Variants in KIZ observed in about 807,000 individuals in gnomAD.
KIZ encodes kizuna centrosomal protein, also known as centrosomal protein kizuna.
A neutral mutation model predicts 79.6 loss-of-function variants in KIZ; 68 were observed. That is an observed-to-expected ratio of 0.85 (90% CI 0.70 to 1.05). The LOEUF (loss-of-function observed/expected upper bound fraction) is 1.05, where lower values mean the gene tolerates loss of function less well. Ranked by LOEUF, KIZ falls within the 50% of genes least tolerant of loss-of-function variation. The pLI is 0.00. For synonymous variants in KIZ, 280 were observed against 281.8 expected (o/e 0.99, Z 0.06); for missense variants, 797 against 800.4 (o/e 1.00, Z 0.05).
chr20:21,228,647 T>C (rs1000900176), intron 9 of KIZ, among the ~76,000 whole-genome samples: 2 of 152,178 alleles, frequency 1.3e-5, no homozygotes, highest in Admixed American at 6.5e-5. Flanking sequence ...AGAGAGTTTC[T>C]AAGTGACCTG....
intron 9 of KIZ, among the ~76,000 whole-genome samples, chr20:21,227,289 T>C (rs1337078878): frequency 2.0e-5 from 3 of 152,138 alleles, no homozygotes; most frequent in Non-Finnish European, 2.9e-5. Flanking sequence ...AGGAGAGCCG[T>C]CTCACTGGAG....
At chr20:21,197,517 G>C (rs2035392729) in intron 6 of KIZ, 1 of 152,170 alleles carries the variant, frequency 6.6e-6, no homozygotes, top group African/African-American at 2.4e-5. Context: ...AGCCTTTTCT[G>C]CTGTTAAGAT....
At chr20:21,246,365 T>TA in intron 12 of KIZ, 114 bp from the exon 13 acceptor site, 1 of 692,268 alleles carries the variant, frequency 1.4e-6, no homozygotes. Context: ...GTGTCCCTGT[T>TA]ATGCATTTTG....
At chr20:21,206,482 A>G (rs1011028995) in intron 7 of KIZ, among the ~76,000 whole-genome samples, 2 of 152,094 alleles carry the variant, frequency 1.3e-5, no homozygotes, top group African/African-American at 2.4e-5. Flanking sequence ...GGGTGGGGGC[A>G]GAGGTGACAA....
At chr20:21,130,459 T>C (rs929980000) in intron 1 of KIZ, among the ~76,000 whole-genome samples, 10 of 152,176 alleles carry the variant, frequency 6.6e-5, no homozygotes, top group African/African-American at 1.9e-4. Context: ...AAGTACCCAA[T>C]TGATCATGAA....
Position 21,244,271 on chromosome 20 carries a change from TC to T in KIZ, c.1908del (p.Asn637IlefsTer2). ...SRHENKKKPV[I>X]NLKSNALWDE... is the part of the protein sequence containing the mutation. ...CATGAAAACAAAAAGAAACCCGTGA[TC>T]AATTTAAAATCTAATGGTGAGAGAG... On this transcript the variant is annotated frameshift_variant, in exon 12 of 13. Transcript: ENST00000619189. LOFTEE classifies it high-confidence loss of function. 6.2e-7 allele frequency: 1 copy of T among 1,602,762 alleles called. No homozygotes were observed. Among genetic ancestry groups the T allele is most frequent in the Non-Finnish European group, 8.5e-7 (1 of 1,170,132 alleles).
chr20:21,231,968 T>C (rs1349701864), intron 10 of KIZ, among the ~76,000 whole-genome samples: 2 of 152,228 alleles, frequency 1.3e-5, no homozygotes, highest in African/African-American at 2.4e-5. Context: ...TTTAAAATAA[T>C]CACTTTGCTG....
Position 21,126,147 on chromosome 20 carries a change from T to A in KIZ, c.32T>A (p.Leu11Gln). 1.3e-6 allele frequency: 2 copies of A among 1,513,784 alleles called. No individual in the cohort carries two copies. The highest frequency in any genetic ancestry group is 1.8e-6 in the Non-Finnish European group (2 of 1,130,108). 93.8% of individuals were successfully genotyped at this position (1,513,784 alleles called of 1,614,324 possible). ...CGGACCCTCGCATCGGCCGTGCCCC[T>A]GTCGAGTCCCGACTACTACGAGAGG... Reference protein sequence around the residue: MSRTLASAVPLSSPDYYERLG... With the variant: MSRTLASAVPQSSPDYYERLG... Residue 11 changes from leucine to glutamine, a missense_variant, in exon 1 of 13, where the codon CTG becomes CAG. Physicochemically the swap from Leu to Gln is moderately radical, Grantham distance 113. Transcript: ENST00000619189.
chr20:21,199,157 G>T (rs1181089502), intron 6 of KIZ, among the ~76,000 whole-genome samples: 1 of 152,018 alleles, frequency 6.6e-6, no homozygotes, highest in Non-Finnish European at 1.5e-5. Context: ...TGTGATTATG[G>T]GTGATAAGCC....
intron 7 of KIZ, among the ~76,000 whole-genome samples, chr20:21,209,612 C>A (rs1175558002): frequency 2.0e-5 from 3 of 152,260 alleles, no homozygotes; most frequent in African/African-American, 7.2e-5. Context: ...AAAATCCCTT[C>A]ATTCCCTTTA....
At chr20:21,191,932 TC>T (rs1259266374) in intron 6 of KIZ, among the ~76,000 whole-genome samples, 1 of 151,690 alleles carries the variant, frequency 6.6e-6, no homozygotes, top group African/African-American at 2.4e-5. Context: ...AGCCCGGAGC[TC>T]CCTTATCGAG....
rs1364596075 is a variant in KIZ, at chr20:21,164,711, G to A, written c.1352+1552G>A. Among the ~76,000 whole-genome samples the A allele has an allele frequency of 3.1e-5, 3 of 98,302 alleles. No individual in the cohort carries two copies. In the East Asian group the frequency reaches 8.4e-4, roughly 28 times the overall value. The allele number at this position is 98,302 out of a possible 152,430, so 64.5% of individuals were successfully genotyped here. ...ATGTTCATCCTGTCTCCATTCGAAT[G>A]ACTTTTTTTTTTTTAATGATCTTGG... is the stretch of plus-strand genomic sequence containing the variant. On this transcript the variant is annotated intron_variant, in intron 6 of 12. Transcript: ENST00000619189.
chr20:21,187,850 T>C (rs1393369614), intron 6 of KIZ, among the ~76,000 whole-genome samples: 1 of 152,238 alleles, frequency 6.6e-6, no homozygotes, highest in Non-Finnish European at 1.5e-5. Context: ...ATGTTTGTAG[T>C]ATTTTAAAAC....
At chr20:21,193,238 C>G (rs543670271) in intron 6 of KIZ, among the ~76,000 whole-genome samples, 18 of 152,212 alleles carry the variant, frequency 1.2e-4, no homozygotes, top group African/African-American at 4.1e-4. Flanking sequence ...ATAAAATCTG[C>G]AAATCAAGCC....
chr20:21,143,937 C>T (rs546154653), intron 3 of KIZ, among the ~76,000 whole-genome samples: 10 of 152,292 alleles, frequency 6.6e-5, no homozygotes, highest in African/African-American at 2.4e-4. Context: ...GACTTACATT[C>T]TGTATCATTA....
In KIZ at chr20:21,179,746, A is replaced by C. The variant is rs189764108; in HGVS notation, c.1352+16587A>C. Among the ~76,000 whole-genome samples the C allele has an allele frequency of 4.6e-5, 7 of 152,020 alleles. No homozygotes were observed. The East Asian group carries it at 1.4e-3, about 29-fold the overall frequency. On this transcript the variant is annotated intron_variant, in intron 6 of 12. Coordinates refer to ENST00000619189, the MANE Select transcript of KIZ (RefSeq NM_018474.6). ...TATACTGGTCTTGCTGCATCTTCTA[A>C]GTTTCGGTATGTTGTATTTTTGTTT...
intron 6 of KIZ, chr20:21,198,759 T>C (rs1386302003): frequency 1.3e-5 from 2 of 152,636 alleles, no homozygotes; most frequent in African/African-American, 2.4e-5. Flanking sequence ...ATCTTGAAGC[T>C]ATGGGAAATG....
chr20:21,239,572 TCTTTA>T (rs778767383), intron 11 of KIZ, among the ~76,000 whole-genome samples: 3 of 152,220 alleles, frequency 2.0e-5, no homozygotes, highest in Non-Finnish European at 4.4e-5. Context: ...CTCATTTTTG[TCTTTA>T]CTTGTTGGCT....
rs1021580500 is a variant in KIZ at position 21,126,293 on chromosome 20, C to G, written c.89+89C>G. 3 of 927,114 alleles carry G rather than the reference C, an allele frequency of 3.2e-6. No individual in the cohort carries two copies. In the African/African-American group the frequency reaches 5.2e-5, roughly 16 times the overall value. The allele number at this position is 927,114 out of a possible 1,614,324, so 57.4% of individuals were successfully genotyped here. A position where few individuals can be genotyped will look rare whatever the true frequency, so the allele number is the denominator to read the frequency against. On this transcript the variant is annotated intron_variant, in intron 1 of 12. Coordinates refer to ENST00000619189, the MANE Select transcript of KIZ (RefSeq NM_018474.6). ...CCATTTTCCTTCCCGCTCCCCCGTC[C>G]GAGGTTCCCCGGGGCCCAGGCCCGC...
Sources: gnomAD v4.1 joint callset for allele counts (sites outside exome capture counted in the v4.1 genomes callset) on GRCh38, gnomAD v4.1.1 for gene constraint, MANE v1.5 for transcripts, NCBI Gene and HGNC (gene_info 2026-07-23, HGNC 2026-07-21) for gene names.